ADAM12: variants seen among roughly 807,000 people sequenced by gnomAD.
ADAM12 encodes ADAM metallopeptidase domain 12, also known as disintegrin and metalloproteinase domain-containing protein 12.
Under a neutral mutation model 106.4 loss-of-function variants are expected in ADAM12, and 70 were observed. The ratio of observed to expected loss-of-function variants is 0.66; its 90% CI spans 0.54 to 0.80. The LOEUF is 0.80. ADAM12 is among the 30% of genes least tolerant of loss of function. The pLI, the probability that ADAM12 is intolerant of heterozygous loss-of-function variation, is 0.00. For synonymous variants in ADAM12, 420 were observed against 433.5 expected, an observed-to-expected ratio of 0.97 and a Z score of 0.39; for missense variants, 1,010 against 1,171.9, an observed-to-expected ratio of 0.86 and a Z score of 2.02.
chr10:126,267,140 T>C (rs1025610162), intron 3 of ADAM12, among the ~76,000 whole-genome samples: 1 of 152,164 alleles, frequency 6.6e-6, no homozygotes, highest in Non-Finnish European at 1.5e-5. Context: ...CTGATAGGGA[T>C]ACGGAAGCAG....
chr10:126,353,691 T>C (rs543992623), intron 1 of ADAM12, among the ~76,000 whole-genome samples: 1 of 152,192 alleles, frequency 6.6e-6, no homozygotes, highest in Non-Finnish European at 1.5e-5. Context: ...AACCACTATT[T>C]GTGAATAGAC....
intron 4 of ADAM12, among the ~76,000 whole-genome samples, chr10:126,140,701 G>C (rs532192074): frequency 6.6e-6 from 1 of 152,288 alleles, no homozygotes; most frequent in South Asian, 2.1e-4. Flanking sequence ...TGACAATTTC[G>C]TGAAATTTAA....
intron 3 of ADAM12, among the ~76,000 whole-genome samples, chr10:126,215,461 G>C (rs1450595151): frequency 6.6e-6 from 1 of 152,008 alleles, no homozygotes; most frequent in African/African-American, 2.4e-5. Flanking sequence ...TCAGCTCAGG[G>C]CCCCCCCGAA....
intron 2 of ADAM12, among the ~76,000 whole-genome samples, chr10:126,306,905 T>C (rs1453200137): frequency 6.6e-6 from 1 of 152,234 alleles, no homozygotes; most frequent in Admixed American, 6.5e-5. Flanking sequence ...CTATTAGTCA[T>C]AACTTTTGAA....
intron 3 of ADAM12, among the ~76,000 whole-genome samples, chr10:126,168,983 G>A (rs1374268102): frequency 6.6e-6 from 1 of 152,064 alleles, no homozygotes; most frequent in Admixed American, 6.6e-5. Flanking sequence ...AATCCGAGAG[G>A]CAGAGATTGT....
intron 2 of ADAM12, among the ~76,000 whole-genome samples, chr10:126,284,332 CAAAAAAAAAAAAA>C (rs58488226): frequency 6.4e-5 from 3 of 46,520 alleles, no homozygotes; most frequent in African/African-American, 2.4e-4. Context: ...GACTCCATCT[CAAAAAAAAAAAAA>C]AAAAAAAAAA....
chr10:126,175,226 C>T (rs866350487), intron 3 of ADAM12, among the ~76,000 whole-genome samples: 6 of 152,284 alleles, frequency 3.9e-5, no homozygotes, highest in Middle Eastern at 3.4e-3. Flanking sequence ...AAGCGAAGAA[C>T]GCTGCCGAGA....
rs758215836 is a variant in ADAM12 at position 126,118,029 on chromosome 10, C to T, written c.603+9G>A. On this transcript the variant is annotated intron_variant, in intron 6 of 22. Coordinates refer to ENST00000448723, the MANE Select transcript of ADAM12 (RefSeq NM_001288973.2). ...TTTCCAGAAACACAAAATCAGGTAT[C>T]CCCCTTACCCTTCTTGCCCATGTCT... The T allele has an allele frequency of 4.3e-6, 7 of 1,612,746 alleles. No homozygotes were observed. Among genetic ancestry groups the T allele is most frequent in the South Asian group, 1.1e-5 (1 of 90,852 alleles).
chr10:126,104,856 A>G (rs1451272047), intron 8 of ADAM12, among the ~76,000 whole-genome samples: 1 of 152,222 alleles, frequency 6.6e-6, no homozygotes, highest in Non-Finnish European at 1.5e-5. Flanking sequence ...CAGGAGAGCC[A>G]AGACTTCAGC....
intron 2 of ADAM12, among the ~76,000 whole-genome samples, chr10:126,320,818 A>C (rs1854068244): frequency 6.6e-6 from 1 of 152,212 alleles, no homozygotes; most frequent in South Asian, 2.1e-4. Flanking sequence ...TAAAAAGAAA[A>C]AAATATTGTC....
chr10:126,288,383 G>A (rs765146610), intron 2 of ADAM12, among the ~76,000 whole-genome samples: 1 of 152,136 alleles, frequency 6.6e-6, no homozygotes, highest in African/African-American at 2.4e-5. Flanking sequence ...TCTCCGGAGA[G>A]GATTCCACAT....
intron 2 of ADAM12, among the ~76,000 whole-genome samples, chr10:126,292,208 C>T (rs12573003): frequency 0.53 from 79,731 of 151,834 alleles, 20,934 homozygotes; most frequent in African/African-American, 0.57. Flanking sequence ...GCTCATTTCA[C>T]ATTTCTCCCG....
chr10:126,257,340 C>A (rs1188228227), intron 3 of ADAM12, among the ~76,000 whole-genome samples: 1 of 152,188 alleles, frequency 6.6e-6, no homozygotes, highest in Admixed American at 6.5e-5. Flanking sequence ...TTCTGTTCTG[C>A]GATCAAAATG....
chr10:126,080,690 T>C (rs979513382), intron 11 of ADAM12, among the ~76,000 whole-genome samples: 5 of 149,278 alleles, frequency 3.3e-5, no homozygotes, highest in Admixed American at 6.6e-5. Flanking sequence ...GTTTACCATG[T>C]TGAATGCAAG....
At chr10:126,276,875 A>G (rs1959273202) in intron 3 of ADAM12, among the ~76,000 whole-genome samples, 1 of 152,220 alleles carries the variant, frequency 6.6e-6, no homozygotes, top group South Asian at 2.1e-4. Flanking sequence ...GCTACTCTCT[A>G]GCAGTCAACG....
chr10:126,062,243 C>G (rs1204394849), intron 14 of ADAM12, among the ~76,000 whole-genome samples: 3 of 152,162 alleles, frequency 2.0e-5, no homozygotes, highest in Admixed American at 1.3e-4. Context: ...ACCAACAGTC[C>G]TGATGCCATG....
rs546823954 is a variant in ADAM12 at position 126,116,560 on chromosome 10, C to T, written c.603+1478G>A. On this transcript the variant is annotated intron_variant, in intron 6 of 22. Coordinates refer to ENST00000448723, the MANE Select transcript of ADAM12 (RefSeq NM_001288973.2). Reference sequence around the variant, plus strand: ...AGCTCTGTTCCTTGGGATTAGGATACAGTGTTCTGCCACCAAGCAGCCATG... The same window carrying T: ...AGCTCTGTTCCTTGGGATTAGGATATAGTGTTCTGCCACCAAGCAGCCATG... Among the ~76,000 whole-genome samples, 20 of 152,126 alleles carry T rather than the reference C, an allele frequency of 1.3e-4. No individual in the cohort carries two copies. The East Asian group carries it at 1.9e-3, about 15-fold the overall frequency.
chr10:126,197,115 G>A (rs191167210), intron 3 of ADAM12, among the ~76,000 whole-genome samples: 50 of 152,286 alleles, frequency 3.3e-4, no homozygotes, highest in Admixed American at 5.9e-4. Context: ...AAGAAGACAC[G>A]GTCCCAGGTG....
chr10:126,065,723 T>A (rs1035959789), intron 13 of ADAM12, among the ~76,000 whole-genome samples: 2 of 152,154 alleles, frequency 1.3e-5, no homozygotes, highest in African/African-American at 4.8e-5. Context: ...TTCTAGAAGA[T>A]CTGGAAGTCG....
Sources: gnomAD v4.1 joint callset for allele counts (sites outside exome capture counted in the v4.1 genomes callset) on GRCh38, gnomAD v4.1.1 for gene constraint, MANE v1.5 for transcripts, NCBI Gene and HGNC (gene_info 2026-07-23, HGNC 2026-07-21) for gene names.